The following ADGRG7 variants were observed in gnomAD, a reference collection of about 807,000 sequenced individuals.
ADGRG7 encodes the protein adhesion G protein-coupled receptor G7, also known as G-protein coupled receptor 128.
Under a neutral mutation model 88.6 loss-of-function variants are expected in ADGRG7, and 82 were observed. That is an observed-to-expected ratio of 0.93 (90% CI 0.77 to 1.11). The LOEUF (loss-of-function observed/expected upper bound fraction) is 1.11, where lower values mean the gene tolerates loss of function less well. ADGRG7 is among the 50% of genes most tolerant of loss of function. The probability of loss-of-function intolerance (pLI) is 0.00; values close to 1 mark genes in which losing one functional copy is unlikely to be tolerated. For synonymous variants in ADGRG7, 381 were observed against 345.2 expected, an observed-to-expected ratio of 1.10 and a Z score of -1.15; for missense variants, 945 against 953.4, an observed-to-expected ratio of 0.99 and a Z score of 0.12.
At chr3:100,653,766 A>T (rs1279336484) in intron 11 of ADGRG7, among the ~76,000 whole-genome samples, 1 of 151,206 alleles carries the variant, frequency 6.6e-6, no homozygotes, top group Non-Finnish European at 1.5e-5. Flanking sequence ...CTCCCTCTCC[A>T]TACAGTCTCA....
In ADGRG7 at chr3:100,655,948, G is replaced by A; in HGVS notation, c.1776G>A (p.Gln592=). ...TAACAGTGGGAGTTATTTATTCTCA[G>A]AATGGAAATAATCCACAGTGGGAAT... ...VAITVGVIYS[Q]NGNNPQWELD... is the part of the protein sequence containing the mutation. The change falls in exon 13 of 16, where the codon CAG becomes CAA. Residue 592 remains glutamine (Q), a synonymous_variant. Coordinates refer to ENST00000273352, the MANE Select transcript of ADGRG7 (RefSeq NM_032787.3). The A allele has an allele frequency of 1.2e-6, 2 of 1,610,306 alleles. No individual in the cohort carries two copies. Among genetic ancestry groups the A allele is most frequent in the Non-Finnish European group, 1.7e-6 (2 of 1,176,776 alleles).
At chr3:100,652,451 T>C (rs970878857) in intron 11 of ADGRG7, among the ~76,000 whole-genome samples, 9 of 152,226 alleles carry the variant, frequency 5.9e-5, no homozygotes, top group African/African-American at 2.2e-4. Context: ...TTCCAAGAGG[T>C]CTTGCAGTCT....
rs574438089 is a variant in ADGRG7 at position 100,668,888 on chromosome 3, A to G, written c.1980-61A>G. 96 of 1,234,504 alleles carry G rather than the reference A, an allele frequency of 7.8e-5. No individual in the cohort carries two copies. The African/African-American group carries it at 1.2e-3, about 16-fold the overall frequency. 76.5% of individuals were successfully genotyped at this position (1,234,504 alleles called of 1,614,324 possible). A position where few individuals can be genotyped will look rare whatever the true frequency, so the allele number is the denominator to read the frequency against. ...ATACATTCTAAATAGGAGAGTAATAATGACGTTGATAAGTAAAACCCTAAT... is the reference window on the plus strand; with the variant it reads ...ATACATTCTAAATAGGAGAGTAATAGTGACGTTGATAAGTAAAACCCTAAT... On this transcript the variant is annotated intron_variant, in intron 14 of 15. Coordinates refer to ENST00000273352, the MANE Select transcript of ADGRG7 (RefSeq NM_032787.3).
intron 12 of ADGRG7, 75 bp downstream of exon 12, chr3:100,655,256 C>CCTTGGA: frequency 9.5e-7 from 1 of 1,048,020 alleles, no homozygotes; most frequent in Non-Finnish European, 1.4e-6. Context: ...TTATTGAAGG[C>CCTTGGA]CTAATAGTCC....
chr3:100,659,589 G>T, intron 13 of ADGRG7, 99 bp from the exon 14 acceptor site: 1 of 1,015,146 alleles, frequency 9.9e-7, no homozygotes, highest in Admixed American at 2.4e-5. Context: ...ACTTTTAGCA[G>T]ATCTTTCAGT....
chr3:100,690,369 C>T (rs1158077161), intron 15 of ADGRG7, among the ~76,000 whole-genome samples: 1 of 152,198 alleles, frequency 6.6e-6, no homozygotes, highest in Non-Finnish European at 1.5e-5. Context: ...CTTCTTCTCT[C>T]AACTCGTCAA....
At chr3:100,620,238 G>T (rs1375528290) in intron 1 of ADGRG7, among the ~76,000 whole-genome samples, 1 of 152,208 alleles carries the variant, frequency 6.6e-6, no homozygotes, top group African/African-American at 2.4e-5. Flanking sequence ...TCCCTGGGAT[G>T]CAAGGCTGGT....
intron 13 of ADGRG7, among the ~76,000 whole-genome samples, chr3:100,659,084 G>C (rs1041823867): frequency 1.3e-5 from 2 of 151,830 alleles, no homozygotes; most frequent in Non-Finnish European, 2.9e-5. Flanking sequence ...CACAAAACAG[G>C]TACAATGAGG....
At chr3:100,693,236 A>G (rs1469546764) in intron 15 of ADGRG7, among the ~76,000 whole-genome samples, 1 of 152,172 alleles carries the variant, frequency 6.6e-6, no homozygotes, top group Non-Finnish European at 1.5e-5. Context: ...TTACTTTAGA[A>G]TTTAAATTCT....
intron 1 of ADGRG7, 31 bp downstream of exon 1, chr3:100,610,002 G>A: frequency 6.4e-7 from 1 of 1,558,738 alleles, no homozygotes; most frequent in Non-Finnish European, 8.8e-7. Flanking sequence ...TTAACTCAGA[G>A]TAAGAGAAGG....
intron 1 of ADGRG7, among the ~76,000 whole-genome samples, chr3:100,613,371 T>C (rs1432744913): frequency 6.6e-6 from 1 of 152,148 alleles, no homozygotes; most frequent in Non-Finnish European, 1.5e-5. Flanking sequence ...ATATTTGCAT[T>C]TGGGGGTTTA....
chr3:100,669,213 G>C, intron 15 of ADGRG7, 108 bp downstream of exon 15: 1 of 890,276 alleles, frequency 1.1e-6, no homozygotes, highest in Non-Finnish European at 1.6e-6. Context: ...TAGGCCAGGC[G>C]CGGTGGCTCA....
chr3:100,648,519 G>A (rs1145340), intron 10 of ADGRG7, among the ~76,000 whole-genome samples: 136,399 of 152,122 alleles, frequency 0.9, 63,055 homozygotes, highest in East Asian at 1. Flanking sequence ...ATGAAAGTAT[G>A]CACCAAACAA....
chr3:100,686,641 C>T (rs1277852948), intron 15 of ADGRG7, among the ~76,000 whole-genome samples: 3 of 152,110 alleles, frequency 2.0e-5, no homozygotes, highest in Non-Finnish European at 4.4e-5. Context: ...GAATCCTTTC[C>T]CCATTACTTG....
At chr3:100,656,153 AATGTG>A (rs2094937262) in intron 13 of ADGRG7, among the ~76,000 whole-genome samples, 158 bp downstream of exon 13, 1 of 152,226 alleles carries the variant, frequency 6.6e-6, no homozygotes, top group South Asian at 2.1e-4. Context: ...TTATATTTTA[AATGTG>A]ATGACATGGA....
intron 1 of ADGRG7, among the ~76,000 whole-genome samples, chr3:100,628,676 A>G (rs1038578325): frequency 6.6e-6 from 1 of 152,068 alleles, no homozygotes; most frequent in Non-Finnish European, 1.5e-5. Context: ...CCACTTAGTT[A>G]ATTTGTTCAC....
In ADGRG7 at chr3:100,686,424, G is replaced by C. The variant is rs531070567; in HGVS notation, c.2137-8320G>C. On this transcript the variant is annotated intron_variant, in intron 15 of 15. Transcript: ENST00000273352. ...TTTGGCCTTTGTTGCCATTGCTTTT[G>C]GTGTTTTAGACATGAAGTCCTTGCC... Among the ~76,000 whole-genome samples, 163 of 152,206 alleles carry C rather than the reference G, an allele frequency of 1.1e-3. 1 individual carries two copies. The highest frequency in any genetic ancestry group is 3.8e-3 in the African/African-American group (158 of 41,524).
intron 6 of ADGRG7, among the ~76,000 whole-genome samples, chr3:100,640,015 C>T (rs1707611806): frequency 6.6e-6 from 1 of 152,108 alleles, no homozygotes; most frequent in South Asian, 2.1e-4. Flanking sequence ...TATCTTCTAC[C>T]AACGTGATCT....
At chr3:100,640,652 G>A (rs1269753308) in intron 6 of ADGRG7, among the ~76,000 whole-genome samples, 5 of 152,058 alleles carry the variant, frequency 3.3e-5, no homozygotes, top group African/African-American at 1.2e-4. Context: ...CTCCCTAGTA[G>A]TTGGGATTAC....
Sources: gnomAD v4.1 joint callset for allele counts (sites outside exome capture counted in the v4.1 genomes callset) on GRCh38, gnomAD v4.1.1 for gene constraint, MANE v1.5 for transcripts, NCBI Gene and HGNC (gene_info 2026-07-23, HGNC 2026-07-21) for gene names.